Variants in SPMAP2L observed in about 807,000 individuals in gnomAD.
The protein encoded by SPMAP2L is sperm microtubule associated protein 2-like.
At chr4:56,550,566 T>A in the SPMAP2L span, among the ~76,000 whole-genome samples, 19 of 152,294 alleles carry the variant, frequency 1.2e-4, no homozygotes, top group East Asian at 3.5e-3. Context: ...AATACCACAG[T>A]ACTTAAAATA....
chr4:56,623,671 C>G, the SPMAP2L span, among the ~76,000 whole-genome samples: 1 of 152,210 alleles, frequency 6.6e-6, no homozygotes, highest in African/African-American at 2.4e-5. Context: ...GTCTATAAGT[C>G]TCAAGAGATC....
chr4:56,574,816 C>T, the SPMAP2L span, among the ~76,000 whole-genome samples: 6 of 151,494 alleles, frequency 4.0e-5, no homozygotes, highest in African/African-American at 1.2e-4. Flanking sequence ...CCCATGTCTA[C>T]GAAAAAATTT....
the SPMAP2L span, among the ~76,000 whole-genome samples, chr4:56,556,231 G>C: frequency 6.6e-6 from 1 of 152,176 alleles, no homozygotes; most frequent in Non-Finnish European, 1.5e-5. Context: ...TAATGCAGGA[G>C]AGAAATAGTG....
At chr4:56,606,385 T>C in the SPMAP2L span, among the ~76,000 whole-genome samples, 1 of 152,196 alleles carries the variant, frequency 6.6e-6, no homozygotes, top group African/African-American at 2.4e-5. Flanking sequence ...AGCCGAGGTA[T>C]GGATATGTAA....
the SPMAP2L span, among the ~76,000 whole-genome samples, chr4:56,548,599 C>T: frequency 6.6e-6 from 1 of 152,086 alleles, no homozygotes; most frequent in African/African-American, 2.4e-5. Flanking sequence ...TCCTCTAATT[C>T]AGTTTTTAAA....
chr4:56,544,904 G>C, the SPMAP2L span, among the ~76,000 whole-genome samples: 1 of 152,214 alleles, frequency 6.6e-6, no homozygotes, highest in African/African-American at 2.4e-5. Context: ...CCCATCGCAG[G>C]CTGCGCTTCT....
the SPMAP2L span, among the ~76,000 whole-genome samples, chr4:56,575,316 A>G: frequency 1.0e-3 from 152 of 152,334 alleles, no homozygotes; most frequent in African/African-American, 3.5e-3. Flanking sequence ...GTATAATAGA[A>G]GCCAGTTGAA....
At chr4:56,593,879 G>A in the SPMAP2L span, 1 of 1,611,086 alleles carries the variant, frequency 6.2e-7, no homozygotes, top group South Asian at 1.1e-5. Flanking sequence ...GGAGCATATT[G>A]CTAGGAGAGT....
chr4:56,564,454 A>G, the SPMAP2L span, among the ~76,000 whole-genome samples: 1 of 151,964 alleles, frequency 6.6e-6, no homozygotes, highest in African/African-American at 2.4e-5. Flanking sequence ...TATTAATTTC[A>G]TCTGTTTTGA....
the SPMAP2L span, among the ~76,000 whole-genome samples, chr4:56,538,283 A>G: frequency 6.9e-6 from 1 of 144,872 alleles, no homozygotes; most frequent in Admixed American, 6.8e-5. Context: ...GTGAACCCCT[A>G]TACTTGCCTG....
the SPMAP2L span, among the ~76,000 whole-genome samples, chr4:56,551,393 T>G: frequency 6.6e-6 from 1 of 152,204 alleles, no homozygotes; most frequent in African/African-American, 2.4e-5. Context: ...TACAGTGATC[T>G]GTAAGATGGT....
chr4:56,549,155 A>C, the SPMAP2L span, among the ~76,000 whole-genome samples: 3 of 151,608 alleles, frequency 2.0e-5, no homozygotes, highest in Non-Finnish European at 4.4e-5. Context: ...CACCCAGCTA[A>C]TTTTTGTATT....
At chr4:56,615,045 A>G in the SPMAP2L span, among the ~76,000 whole-genome samples, 1 of 152,234 alleles carries the variant, frequency 6.6e-6, no homozygotes, top group East Asian at 1.9e-4. Context: ...ATGCTATTTG[A>G]GAGGGGCATT....
chr4:56,531,995 A>T, the SPMAP2L span, among the ~76,000 whole-genome samples: 1 of 152,290 alleles, frequency 6.6e-6, no homozygotes, highest in Non-Finnish European at 1.5e-5. Context: ...CTCAACCCTG[A>T]TTAAACCCAG....
the SPMAP2L span, among the ~76,000 whole-genome samples, chr4:56,563,790 G>A: frequency 6.6e-6 from 1 of 152,162 alleles, no homozygotes; most frequent in African/African-American, 2.4e-5. Context: ...GTATGTATGT[G>A]ATGCAATATA....
At chr4:56,540,188 GATGAAGA>G in the SPMAP2L span, among the ~76,000 whole-genome samples, 1 of 152,194 alleles carries the variant, frequency 6.6e-6, no homozygotes, top group Non-Finnish European at 1.5e-5. Flanking sequence ...CCATTTTACA[GATGAAGA>G]ATGTGAGACT....
the SPMAP2L span, among the ~76,000 whole-genome samples, chr4:56,605,349 T>C: frequency 6.6e-6 from 1 of 152,188 alleles, no homozygotes; most frequent in Non-Finnish European, 1.5e-5. Context: ...ACGGACTCTT[T>C]AGCTTATTGG....
At chr4:56,546,835 AC>A in the SPMAP2L span, among the ~76,000 whole-genome samples, 16,182 of 152,224 alleles carry the variant, frequency 0.11, 931 homozygotes, top group East Asian at 0.2. Context: ...AAGTGCTGCA[AC>A]TTTCATGGGT....
the SPMAP2L span, among the ~76,000 whole-genome samples, chr4:56,561,506 A>C: frequency 6.6e-6 from 1 of 152,142 alleles, no homozygotes; most frequent in African/African-American, 2.4e-5. Flanking sequence ...TCAAAGGGAA[A>C]GCAGGCATGT....
Sources: allele counts gnomAD v4.1 joint callset (sites outside exome capture counted in the v4.1 genomes callset), GRCh38; gene constraint gnomAD v4.1.1; transcripts MANE v1.5; gene names NCBI Gene and HGNC (gene_info 2026-07-23, HGNC 2026-07-21).